Variants in GRID2 observed in about 807,000 individuals in gnomAD.
GRID2 encodes glutamate receptor ionotropic, delta-2.
Under a neutral mutation model 114.8 loss-of-function variants are expected in GRID2, and 33 were observed. That is an observed-to-expected ratio of 0.29 (90% CI 0.22 to 0.38). The LOEUF is 0.38. Among genes scored for constraint, GRID2 ranks in the 10% least tolerant of loss-of-function variants. GRID2 has a pLI of 1.00. For missense variants in GRID2, 1,184 were observed against 1,257.7 expected, an observed-to-expected ratio of 0.94 and a Z score of 0.89; for synonymous variants, 505 against 449.9, an observed-to-expected ratio of 1.12 and a Z score of -1.55.
intron 11 of GRID2, among the ~76,000 whole-genome samples, chr4:93,458,651 G>T (rs576752169): frequency 6.6e-6 from 1 of 152,206 alleles, no homozygotes; most frequent in South Asian, 2.1e-4. Flanking sequence ...TTAATGAATG[G>T]TTAAAATTGT....
At chr4:92,366,198 C>G (rs1014937194) in intron 1 of GRID2, among the ~76,000 whole-genome samples, 1 of 151,934 alleles carries the variant, frequency 6.6e-6, no homozygotes, top group East Asian at 1.9e-4. Context: ...TTTATATCCC[C>G]ACTATCAAGA....
chr4:93,013,230 A>G (rs1722357734), intron 2 of GRID2, among the ~76,000 whole-genome samples: 1 of 152,094 alleles, frequency 6.6e-6, no homozygotes, highest in South Asian at 2.1e-4. Context: ...CTAAATAAGT[A>G]GGTGGATGAT....
chr4:93,656,228 C>T (rs1182850002), intron 14 of GRID2, among the ~76,000 whole-genome samples: 1 of 151,688 alleles, frequency 6.6e-6, no homozygotes, highest in African/African-American at 2.4e-5. Flanking sequence ...TAAATTGTTT[C>T]TATTTAATGT....
At chr4:92,435,967 T>C (rs1732716916) in intron 1 of GRID2, among the ~76,000 whole-genome samples, 1 of 152,118 alleles carries the variant, frequency 6.6e-6, no homozygotes, top group Non-Finnish European at 1.5e-5. Context: ...GATTGTTTGG[T>C]ATAGTTTTAG....
chr4:93,224,820 T>C (rs1318165239), intron 7 of GRID2, 45 bp downstream of exon 7: 2 of 1,353,634 alleles, frequency 1.5e-6, no homozygotes, highest in South Asian at 1.3e-5. Context: ...TAAATAATTA[T>C]TTGACATATT....
At chr4:92,874,457 C>G (rs1197106026) in intron 2 of GRID2, among the ~76,000 whole-genome samples, 3 of 152,004 alleles carry the variant, frequency 2.0e-5, no homozygotes, top group Non-Finnish European at 4.4e-5. Context: ...AAATGTCATA[C>G]CTCCATCTAA....
At chr4:92,742,338 T>C (rs1311121077) in intron 2 of GRID2, among the ~76,000 whole-genome samples, 2 of 152,158 alleles carry the variant, frequency 1.3e-5, no homozygotes, top group East Asian at 1.9e-4. Context: ...CTCTGGACTA[T>C]AGTTAACTTA....
In GRID2 at chr4:92,454,103, G is replaced by T. The variant is rs77655067; in HGVS notation, c.89-136028G>T. 9.3e-3 allele frequency among the ~76,000 whole-genome samples: 1,378 copies of T among 148,014 alleles called. 20 individuals carry two copies. Among genetic ancestry groups the T allele is most frequent in the African/African-American group, 0.032 (1,316 of 41,258 alleles). ...CATATAGATAATTTACTTTTTTAGA[G>T]AAATATAAATAATAATGACACATTG... On this transcript the variant is annotated intron_variant, in intron 1 of 15. Transcript: ENST00000282020.
At chr4:92,857,661 T>C (rs1744265512) in intron 2 of GRID2, among the ~76,000 whole-genome samples, 1 of 152,166 alleles carries the variant, frequency 6.6e-6, no homozygotes, top group Non-Finnish European at 1.5e-5. Flanking sequence ...CATAAAACTT[T>C]AAGGTGAAGC....
intron 2 of GRID2, among the ~76,000 whole-genome samples, chr4:92,985,592 C>T (rs1252869581): frequency 6.6e-6 from 1 of 152,038 alleles, no homozygotes; most frequent in Non-Finnish European, 1.5e-5. Flanking sequence ...TCTTCTCTCC[C>T]CTCTTCTCTC....
chr4:92,890,346 A>G (rs186994784), intron 2 of GRID2, among the ~76,000 whole-genome samples: 12 of 152,340 alleles, frequency 7.9e-5, no homozygotes, highest in African/African-American at 2.9e-4. Context: ...AGACTGGGAC[A>G]AAATTTTTGC....
At chr4:93,122,890 G>GTTTTTTTTGTTT (rs1733915033) in intron 4 of GRID2, among the ~76,000 whole-genome samples, 4 of 69,788 alleles carry the variant, frequency 5.7e-5, no homozygotes, top group Non-Finnish European at 1.0e-4. Context: ...ACAGATGTGG[G>GTTTTTTTTGTTT]TTTTTTTTTT....
At chr4:92,745,743 T>C (rs753554877) in intron 2 of GRID2, among the ~76,000 whole-genome samples, 1 of 152,144 alleles carries the variant, frequency 6.6e-6, no homozygotes, top group Non-Finnish European at 1.5e-5. Flanking sequence ...GGTCTCACTT[T>C]TGTTCTTTGG....
chr4:93,459,120 C>T (rs1723486907), intron 11 of GRID2, among the ~76,000 whole-genome samples: 1 of 126,634 alleles, frequency 7.9e-6, no homozygotes, highest in African/African-American at 3.1e-5. Context: ...CGGGAGGTTG[C>T]AGTGAGCCGA....
At chr4:92,841,167 A>G (rs967713048) in intron 2 of GRID2, among the ~76,000 whole-genome samples, 3 of 152,106 alleles carry the variant, frequency 2.0e-5, no homozygotes, top group Admixed American at 2.0e-4. Context: ...TAATAGAACA[A>G]GTTAATTGCA....
downstream of GRID2, among the ~76,000 whole-genome samples, chr4:93,775,891 A>G (rs1273631160): frequency 6.6e-6 from 1 of 152,202 alleles, no homozygotes; most frequent in Non-Finnish European, 1.5e-5. Flanking sequence ...TATCAACTGA[A>G]TAAATACTTT....
chr4:93,160,524 T>C (rs1737594358), intron 4 of GRID2, among the ~76,000 whole-genome samples: 2 of 151,838 alleles, frequency 1.3e-5, no homozygotes, highest in South Asian at 4.1e-4. Flanking sequence ...ATTGGTGTTC[T>C]GTGTCCTCCA....
At chr4:92,407,674 GA>G (rs1325681122) in intron 1 of GRID2, among the ~76,000 whole-genome samples, 6 of 152,086 alleles carry the variant, frequency 3.9e-5, no homozygotes, top group African/African-American at 1.4e-4. Flanking sequence ...GCATTTCTCT[GA>G]TGATAAGTGA....
chr4:93,289,074 AT>A (rs547853737), intron 8 of GRID2, among the ~76,000 whole-genome samples: 1 of 152,220 alleles, frequency 6.6e-6, no homozygotes, highest in Non-Finnish European at 1.5e-5. Flanking sequence ...GGGTAAGACT[AT>A]TTTTTAAATG....
Sources: gnomAD v4.1 joint callset for allele counts (sites outside exome capture counted in the v4.1 genomes callset) on GRCh38, gnomAD v4.1.1 for gene constraint, MANE v1.5 for transcripts, NCBI Gene and HGNC (gene_info 2026-07-23, HGNC 2026-07-21) for gene names.